COG4: variants seen among roughly 807,000 people sequenced by gnomAD.
The protein encoded by COG4 is conserved oligomeric Golgi complex subunit 4.
COG4 carries 65 observed loss-of-function variants against 95.1 expected under a neutral mutation model. The ratio of observed to expected loss-of-function variants is 0.68; its 90% CI spans 0.56 to 0.84. COG4 has a LOEUF of 0.84. Ranked by LOEUF, COG4 falls within the 40% of genes least tolerant of loss-of-function variation. The pLI, the probability that COG4 is intolerant of heterozygous loss-of-function variation, is 0.00. For missense variants in COG4, 1,045 were observed against 989.1 expected (o/e 1.06, Z -0.76); for synonymous variants, 421 against 374.8 (o/e 1.12, Z -1.42).
At chr16:70,491,274 G>A (rs1307649294) in intron 12 of COG4, among the ~76,000 whole-genome samples, 4 of 151,998 alleles carry the variant, frequency 2.6e-5, no homozygotes, top group Non-Finnish European at 1.5e-5. Flanking sequence ...CAGCACTTTG[G>A]AAGGCCAAGG....
chr16:70,520,173 CGTCG>C (rs1422374345), intron 1 of COG4, among the ~76,000 whole-genome samples: 1 of 152,024 alleles, frequency 6.6e-6, no homozygotes, highest in African/African-American at 2.4e-5. Flanking sequence ...CGGCGGCTTA[CGTCG>C]GTAATCCCAG....
intron 12 of COG4, among the ~76,000 whole-genome samples, chr16:70,491,965 T>C (rs540091296): frequency 3.3e-5 from 5 of 152,154 alleles, no homozygotes; most frequent in African/African-American, 1.2e-4. Context: ...AAAGACATGG[T>C]CCACTCCTCA....
chr16:70,497,271 A>T lies in COG4; in HGVS notation c.1431T>A (p.Cys477Ter). Residue 477 changes from cysteine (C) to a stop codon, truncating the protein, a stop_gained, in exon 11 of 19, where the codon TGT becomes TGA. Coordinates refer to ENST00000323786, the MANE Select transcript of COG4 (RefSeq NM_015386.3). LOFTEE classifies it high-confidence loss of function. ...TGGCGAGGTTGATCATGGCACAGAG[A>T]CAGTCAATGCTGGAGCTGGACAGAG... ...GRALSSSSIDCLCAMINLATT... is the reference protein window; with the variant it reads ...GRALSSSSID The T allele has an allele frequency of 6.2e-7, 1 of 1,614,138 alleles. No individual in the cohort carries two copies. Among genetic ancestry groups the T allele is most frequent in the South Asian group, 1.1e-5 (1 of 91,086 alleles).
rs751083245 is a variant in COG4 at position 70,509,754 on chromosome 16, T to A, written c.844+162A>T. 112 of 676,862 alleles carry A rather than the reference T, an allele frequency of 1.7e-4. No homozygotes were observed. In the Middle Eastern group the frequency reaches 2.2e-3, roughly 13 times the overall value. 41.9% of individuals were successfully genotyped at this position (676,862 alleles called of 1,614,324 possible). A position where few individuals can be genotyped will look rare whatever the true frequency, so the allele number is the denominator to read the frequency against. ...CTGGAGAGACTCTAATCTTTGCTAA[T>A]CAGGCACTGAATCTGGAAGTTATTT... On this transcript the variant is annotated intron_variant, in intron 6 of 18. Coordinates refer to ENST00000323786, the MANE Select transcript of COG4 (RefSeq NM_015386.3).
Position 70,514,524 on chromosome 16 carries a change from G to C in COG4, c.370-15C>G, listed in dbSNP as rs768320826. The C allele has an allele frequency of 6.2e-7, 1 of 1,612,768 alleles. No homozygotes were observed. The highest frequency in any genetic ancestry group is 2.2e-5 in the East Asian group (1 of 44,870). On this transcript the variant is annotated splice_polypyrimidine_tract_variant and intron_variant, in intron 3 of 18. Transcript: ENST00000323786. Reference sequence around the variant, plus strand: ...TAGAGGCGGTTCTGCAAAAAGATTTGGTACTTACAAACAATGTCCTATTCT... The same window carrying C: ...TAGAGGCGGTTCTGCAAAAAGATTTCGTACTTACAAACAATGTCCTATTCT...
At position 70,514,968 on chromosome 16, in the gene COG4, C is replaced by G. The variant is rs551423108; in HGVS notation, c.370-459G>C. Among the ~76,000 whole-genome samples, 9 of 151,762 alleles carry G rather than the reference C, an allele frequency of 5.9e-5. No individual in the cohort carries two copies. In the South Asian group the frequency reaches 1.9e-3, roughly 32 times the overall value. On this transcript the variant is annotated intron_variant, in intron 3 of 18. Coordinates refer to ENST00000323786, the MANE Select transcript of COG4 (RefSeq NM_015386.3). ...AGCTCAAGCTATCCGCCTGCCTTGG[C>G]TTCCCAAAGTGCTGGGATTACAGGT...
In COG4 at chr16:70,508,430, G is replaced by C; in HGVS notation, c.1037C>G (p.Ser346Cys). The change falls in exon 8 of 19, where the codon TCT (serine) becomes TGT (cysteine). Residue 346 changes from serine to cysteine, a missense_variant. Physicochemically the swap from Ser to Cys is moderately radical, Grantham distance 112. Coordinates refer to ENST00000323786, the MANE Select transcript of COG4 (RefSeq NM_015386.3). ...CCTTGGTTCGATTTTTTCTGTTGTA[G>C]AATTTCTCATCAGGTTGTTCTGAAC... ...RHVQNNLMRN[S>C]TTEKIEPREL... 3 of 1,614,062 alleles carry C rather than the reference G, an allele frequency of 1.9e-6. No homozygotes were observed. The highest frequency in any genetic ancestry group is 1.7e-6 in the Non-Finnish European group (2 of 1,179,992).
At chr16:70,521,596 C>T (rs1196509619) in intron 1 of COG4, among the ~76,000 whole-genome samples, 2 of 152,024 alleles carry the variant, frequency 1.3e-5, no homozygotes, top group African/African-American at 2.4e-5. Context: ...AATACAAATA[C>T]AGTACTTATA....
At chr16:70,515,614 G>A (rs1179754892) in intron 3 of COG4, among the ~76,000 whole-genome samples, 1 of 152,118 alleles carries the variant, frequency 6.6e-6, no homozygotes, top group Non-Finnish European at 1.5e-5. Flanking sequence ...AACCCAGGAG[G>A]TGGAGGTTGC....
At chr16:70,502,907 T>C (rs746265038) in intron 8 of COG4, among the ~76,000 whole-genome samples, 6 of 152,102 alleles carry the variant, frequency 3.9e-5, no homozygotes, top group Non-Finnish European at 8.8e-5. Context: ...CTAGGACAAT[T>C]CAATAAACAA....
chr16:70,508,200 T>C (rs1381590694), intron 8 of COG4, among the ~76,000 whole-genome samples: 1 of 152,198 alleles, frequency 6.6e-6, no homozygotes, highest in African/African-American at 2.4e-5. Flanking sequence ...ATTACAGGTG[T>C]GAGCCACCGC....
In COG4 at chr16:70,503,883, C is replaced by T. The variant is rs373332404; in HGVS notation, c.1062-2792G>A. Reference sequence around the variant, plus strand: ...TGCTGGGATTACAGGCGTGAGCCACCGCGCCCGGCCAACTCCTACTTACTC... The same window carrying T: ...TGCTGGGATTACAGGCGTGAGCCACTGCGCCCGGCCAACTCCTACTTACTC... On this transcript the variant is annotated intron_variant, in intron 8 of 18. Coordinates refer to ENST00000323786, the MANE Select transcript of COG4 (RefSeq NM_015386.3). 1.2e-3 allele frequency among the ~76,000 whole-genome samples: 181 copies of T among 152,082 alleles called. 44 individuals carry two copies. The highest frequency in any genetic ancestry group is 3.6e-3 in the African/African-American group (147 of 41,384).
chr16:70,501,301 A>C (rs527598119), intron 8 of COG4: 43 of 583,908 alleles, frequency 7.4e-5, no homozygotes, highest in African/African-American at 7.1e-4. Flanking sequence ...TAAATCATTC[A>C]CTCCCTAAAA....
intron 13 of COG4, among the ~76,000 whole-genome samples, chr16:70,489,780 C>T (rs933853934): frequency 3.9e-5 from 6 of 152,088 alleles, no homozygotes; most frequent in African/African-American, 1.4e-4. Flanking sequence ...GGCTAAGGGA[C>T]TTGTCCAAGG....
intron 12 of COG4, among the ~76,000 whole-genome samples, chr16:70,495,493 C>T (rs1357202370): frequency 6.6e-6 from 1 of 151,940 alleles, no homozygotes; most frequent in Non-Finnish European, 1.5e-5. Context: ...CACTTGTGGG[C>T]TACAGATGCT....
intron 4 of COG4, among the ~76,000 whole-genome samples, chr16:70,513,016 A>G (rs1010189305): frequency 3.3e-5 from 5 of 152,252 alleles, no homozygotes; most frequent in Non-Finnish European, 7.3e-5. Context: ...TTCTGGTTAA[A>G]GTAATCAGAA....
At chr16:70,486,765 G>C (rs2049145023) in intron 13 of COG4, among the ~76,000 whole-genome samples, 4 of 152,204 alleles carry the variant, frequency 2.6e-5, no homozygotes, top group Admixed American at 2.6e-4. Context: ...GGGAGGCCGA[G>C]GCGGGCAGAT....
chr16:70,499,888 C>T (rs930859593), intron 9 of COG4, among the ~76,000 whole-genome samples: 6 of 152,194 alleles, frequency 3.9e-5, no homozygotes, highest in African/African-American at 1.4e-4. Flanking sequence ...TCTTGATCTC[C>T]TGACCTTGTG....
In COG4 at chr16:70,482,181, G is replaced by T; in HGVS notation, c.1921-6C>A. 1.3e-6 allele frequency: 2 copies of T among 1,595,838 alleles called. No individual in the cohort carries two copies. The highest frequency in any genetic ancestry group is 1.7e-6 in the Non-Finnish European group (2 of 1,163,386). ...TCATAGTCATTGAATTCTTCCTGTT[G>T]TCAGGAAGCAGGGCTGGTCACCATG... On this transcript the variant is annotated splice_region_variant and splice_polypyrimidine_tract_variant and intron_variant, in intron 15 of 18. Coordinates refer to ENST00000323786, the MANE Select transcript of COG4 (RefSeq NM_015386.3).
Sources: gnomAD v4.1 joint callset for allele counts (sites outside exome capture counted in the v4.1 genomes callset) on GRCh38, gnomAD v4.1.1 for gene constraint, MANE v1.5 for transcripts, NCBI Gene and HGNC (gene_info 2026-07-23, HGNC 2026-07-21) for gene names.